Variants in OR9Q1 observed in about 807,000 individuals in gnomAD.
OR9Q1 encodes olfactory receptor 9Q1.
For synonymous variants in OR9Q1, 153 were observed against 148.6 expected (o/e 1.03, Z -0.22); for missense variants, 374 against 378.8 (o/e 0.99, Z 0.11).
intron 2 of OR9Q1, among the ~76,000 whole-genome samples, chr11:58,081,793 C>CTTTTTT (rs201892501): frequency 7.8e-6 from 1 of 128,152 alleles, no homozygotes; most frequent in Non-Finnish European, 1.6e-5. Context: ...ATGATAGTTT[C>CTTTTTT]TTTTTTTTTT....
intron 2 of OR9Q1, among the ~76,000 whole-genome samples, chr11:58,165,536 T>C (rs1367458807): frequency 4.6e-5 from 7 of 152,194 alleles, no homozygotes; most frequent in Admixed American, 4.6e-4. Context: ...CTCTGCTGTT[T>C]TTTGGAAGCG....
At chr11:58,076,291 C>T (rs1198086701) in intron 2 of OR9Q1, among the ~76,000 whole-genome samples, 2 of 152,216 alleles carry the variant, frequency 1.3e-5, no homozygotes, top group African/African-American at 4.8e-5. Context: ...CATGGTCTTT[C>T]ATGACTGAAA....
At position 58,180,111 on chromosome 11, in the gene OR9Q1, G is replaced by A. The variant is rs747875711; in HGVS notation, c.667G>A (p.Val223Met). 2.6e-5 allele frequency: 42 copies of A among 1,613,704 alleles called. No individual in the cohort carries two copies. Among genetic ancestry groups the A allele is most frequent in the Admixed American group, 1.0e-4 (6 of 59,964 alleles). ...VILVSYLFIIVAIMGIPAGSQ... is the reference protein window; with the variant it reads ...VILVSYLFIIMAIMGIPAGSQ... ...CTTGGTGTCCTACCTGTTTATCATC[G>A]TGGCCATCATGGGGATCCCTGCTGG... Residue 223 changes from valine (V) to methionine (M), a missense_variant, in exon 3 of 3, where the codon GTG becomes ATG. Coordinates refer to ENST00000335397, the MANE Select transcript of OR9Q1 (RefSeq NM_001005212.4).
chr11:58,032,053 A>C lies in OR9Q1; in HGVS notation c.-93+7949A>C, dbSNP rs138854550. On this transcript the variant is annotated intron_variant, in intron 1 of 2. Transcript: ENST00000335397. ...TACCTAGGAATACAACTAACCAAGG[A>C]AGTGAAAGATATTTATAAGGGGAAC... 728 of 564,808 alleles carry C rather than the reference A, an allele frequency of 1.3e-3. 11 individuals are homozygous for C. The East Asian group carries it at 0.018, about 14-fold the overall frequency. The allele number at this position is 564,808 out of a possible 1,614,324, so 35.0% of individuals were successfully genotyped here.
intron 1 of OR9Q1, among the ~76,000 whole-genome samples, chr11:58,033,312 A>G (rs775639294): frequency 2.0e-5 from 3 of 152,250 alleles, no homozygotes; most frequent in Non-Finnish European, 4.4e-5. Context: ...TTGTATGTTC[A>G]TCATGACACT....
intron 2 of OR9Q1, among the ~76,000 whole-genome samples, chr11:58,153,198 A>G (rs914908008): frequency 1.3e-5 from 2 of 152,242 alleles, no homozygotes; most frequent in Non-Finnish European, 2.9e-5. Flanking sequence ...AACAGAAACC[A>G]AATTAGAGGA....
chr11:58,121,604 C>T (rs1022853020), intron 2 of OR9Q1, among the ~76,000 whole-genome samples: 3 of 152,176 alleles, frequency 2.0e-5, no homozygotes, highest in Non-Finnish European at 4.4e-5. Context: ...TTTGCCTGGC[C>T]TCCTTAATCT....
At chr11:58,120,453 GT>G (rs980450464) in intron 2 of OR9Q1, among the ~76,000 whole-genome samples, 1 of 151,748 alleles carries the variant, frequency 6.6e-6, no homozygotes, top group African/African-American at 2.4e-5. Flanking sequence ...ATTTGAATAT[GT>G]TTTTATTTTT....
chr11:58,147,892 TA>T (rs1319296308), intron 2 of OR9Q1, among the ~76,000 whole-genome samples: 2 of 152,220 alleles, frequency 1.3e-5, no homozygotes, highest in African/African-American at 4.8e-5. Context: ...ATTCTACACA[TA>T]TTCTCTTAGA....
intron 2 of OR9Q1, among the ~76,000 whole-genome samples, chr11:58,141,672 G>C (rs948108902): frequency 6.6e-6 from 1 of 152,120 alleles, no homozygotes; most frequent in Admixed American, 6.6e-5. Flanking sequence ...ATGTGCAGCT[G>C]TTATTGTCAG....
chr11:58,121,736 A>G (rs914323596), intron 2 of OR9Q1, among the ~76,000 whole-genome samples: 10 of 152,244 alleles, frequency 6.6e-5, no homozygotes, highest in Non-Finnish European at 1.5e-4. Flanking sequence ...CTTGTAGCAC[A>G]ACTGGGAATT....
intron 2 of OR9Q1, among the ~76,000 whole-genome samples, chr11:58,103,097 T>C (rs531525664): frequency 6.6e-6 from 1 of 152,202 alleles, no homozygotes; most frequent in African/African-American, 2.4e-5. Flanking sequence ...GGATAATTTA[T>C]AAGGGAAAGA....
At chr11:58,061,826 C>G (rs1853382815) in intron 2 of OR9Q1, among the ~76,000 whole-genome samples, 1 of 152,152 alleles carries the variant, frequency 6.6e-6, no homozygotes, top group Admixed American at 6.6e-5. Context: ...CATTGAGGTG[C>G]CAGCGGTGGT....
rs551679835 is a variant in OR9Q1, at chr11:58,122,350, G to A, written c.-14-57081G>A. ...CTTCTTTGGAAGGCCTTCATGGTAT[G>A]GTTCAAGCTCTGTGGTTGTCACCTC... is the stretch of plus-strand genomic sequence containing the variant. On this transcript the variant is annotated intron_variant, in intron 2 of 2. Transcript: ENST00000335397. Among the ~76,000 whole-genome samples the A allele has an allele frequency of 6.6e-5, 10 of 152,310 alleles. No individual in the cohort carries two copies. The East Asian group carries it at 1.9e-3, about 29-fold the overall frequency.
intron 2 of OR9Q1, among the ~76,000 whole-genome samples, chr11:58,125,819 A>C (rs1247659068): frequency 6.6e-6 from 1 of 152,170 alleles, no homozygotes; most frequent in Non-Finnish European, 1.5e-5. Context: ...GTTTGTCTCA[A>C]AGCTCAACTG....
intron 2 of OR9Q1, among the ~76,000 whole-genome samples, chr11:58,156,990 A>G (rs1854414274): frequency 6.6e-6 from 1 of 152,204 alleles, no homozygotes; most frequent in South Asian, 2.1e-4. Flanking sequence ...ATAACCTGTG[A>G]GTCAACCTGA....
intron 2 of OR9Q1, among the ~76,000 whole-genome samples, chr11:58,094,868 G>A (rs993312577): frequency 1.3e-5 from 2 of 152,176 alleles, no homozygotes; most frequent in Non-Finnish European, 2.9e-5. Flanking sequence ...GTCTTTGAAA[G>A]CAAATCCTCA....
At chr11:58,111,638 C>T (rs573518106) in intron 2 of OR9Q1, among the ~76,000 whole-genome samples, 7 of 152,248 alleles carry the variant, frequency 4.6e-5, no homozygotes, top group South Asian at 4.1e-4. Flanking sequence ...TACATATTAA[C>T]TCTCTACTGT....
chr11:58,069,779 G>A (rs1205291700), intron 2 of OR9Q1, among the ~76,000 whole-genome samples: 1 of 151,382 alleles, frequency 6.6e-6, no homozygotes, highest in African/African-American at 2.4e-5. Context: ...GCTGAGGTGG[G>A]AGATCGCTTG....
Sources: allele counts gnomAD v4.1 joint callset (sites outside exome capture counted in the v4.1 genomes callset), GRCh38; gene constraint gnomAD v4.1.1; transcripts MANE v1.5; gene names NCBI Gene and HGNC (gene_info 2026-07-23, HGNC 2026-07-21).